The following MRPL37 variants were observed in gnomAD, a reference collection of about 807,000 sequenced individuals.
MRPL37 encodes large ribosomal subunit protein mL37.
Under a neutral mutation model 44.1 loss-of-function variants are expected in MRPL37, and 34 were observed. The ratio of observed to expected loss-of-function variants is 0.77; its 90% confidence interval spans 0.59 to 1.03. MRPL37 has a LOEUF of 1.03. MRPL37 is among the 50% of genes least tolerant of loss of function. MRPL37 has a pLI of 0.00. For missense variants in MRPL37, 532 were observed against 543.7 expected, an observed-to-expected ratio of 0.98 and a Z score of 0.21; for synonymous variants, 212 against 219.5, an observed-to-expected ratio of 0.97 and a Z score of 0.30.
chr1:54,220,933 T>C (rs1644229804), downstream of MRPL37: 1 of 391,078 alleles, frequency 2.6e-6, no homozygotes, highest in South Asian at 2.0e-5. Flanking sequence ...ATTCAAAAGT[T>C]CTTCAGTTCA....
rs201642267 is a variant in MRPL37, at chr1:54,212,488, G to A, written c.833-13G>A. 3 of 1,613,132 alleles carry A rather than the reference G, an allele frequency of 1.9e-6. No individual in the cohort carries two copies. The highest frequency in any genetic ancestry group is 1.3e-5 in the African/African-American group (1 of 74,892). ...ATCCTTTCCACCCCTCCACATAATTGTGTCTCTTGCAGGATTCCAGGAAGG... is the reference window on the plus strand; with the variant it reads ...ATCCTTTCCACCCCTCCACATAATTATGTCTCTTGCAGGATTCCAGGAAGG... On this transcript the variant is annotated splice_polypyrimidine_tract_variant and intron_variant, in intron 4 of 6. Transcript: ENST00000360840.
At chr1:54,202,270 G>T (rs1474085390) in intron 1 of MRPL37, among the ~76,000 whole-genome samples, 1 of 152,104 alleles carries the variant, frequency 6.6e-6, no homozygotes, top group Non-Finnish European at 1.5e-5. Context: ...CCAAAGTGCT[G>T]GGATTATAGG....
Position 54,218,355 on chromosome 1 carries a change from A to G in MRPL37, c.*106A>G. 6.3e-7 allele frequency: 1 copy of G among 1,587,760 alleles called. No individual in the cohort carries two copies. The highest frequency in any genetic ancestry group is 2.2e-5 in the East Asian group (1 of 44,716). ...CCCGTTTGGCCTGCTGCTCTCGCTG[A>G]CAATAAAGAGCCCTTGCGTTGCACT... On this transcript the variant is annotated 3_prime_UTR_variant, in exon 7 of 7. Transcript: ENST00000360840.
chr1:54,217,628 A>G (rs1002896818), intron 6 of MRPL37, among the ~76,000 whole-genome samples: 1 of 151,946 alleles, frequency 6.6e-6, no homozygotes. Context: ...TTTCTGCCCC[A>G]TTCTGCTCAC....
Position 54,214,808 on chromosome 1 carries a change from G to A in MRPL37, c.991-1333G>A, listed in dbSNP as rs1017520144. ...AAGGTAAAATTGCTGAGAAATTTAT[G>A]TACTACCTGCAGTTTTATTGATCTG... is the stretch of plus-strand genomic sequence containing the variant. On this transcript the variant is annotated intron_variant, in intron 5 of 6. Transcript: ENST00000360840. 5.3e-5 allele frequency among the ~76,000 whole-genome samples: 8 copies of A among 152,342 alleles called. No individual in the cohort carries two copies. The South Asian group carries it at 1.4e-3, about 28-fold the overall frequency.
chr1:54,202,497 GTCTC>G (rs772169233), intron 1 of MRPL37, among the ~76,000 whole-genome samples: 47 of 151,152 alleles, frequency 3.1e-4, no homozygotes, highest in Non-Finnish European at 6.1e-4. Context: ...CTTTCTCTCT[GTCTC>G]TCTCTCTCTC....
chr1:54,221,645 T>C (rs117376485), downstream of MRPL37, among the ~76,000 whole-genome samples: 80 of 152,172 alleles, frequency 5.3e-4, no homozygotes, highest in East Asian at 0.01. Context: ...TACAGGCACA[T>C]CACACTCCCA....
intron 4 of MRPL37, among the ~76,000 whole-genome samples, chr1:54,211,283 G>C (rs1305420964): frequency 6.6e-6 from 1 of 152,020 alleles, no homozygotes; most frequent in South Asian, 2.1e-4. Flanking sequence ...CAGTTTTCCT[G>C]TCTGTCTCCC....
chr1:54,212,416 G>T lies in MRPL37; in HGVS notation c.833-85G>T. On this transcript the variant is annotated intron_variant, in intron 4 of 6. Transcript: ENST00000360840. ...GAGTCTCTCTGTAGCACCTGTCCCTGGGCTAAGGCGAGGTGACTTTCCTGA... is the reference window on the plus strand; with the variant it reads ...GAGTCTCTCTGTAGCACCTGTCCCTTGGCTAAGGCGAGGTGACTTTCCTGA... 20 of 1,500,866 alleles carry T rather than the reference G, an allele frequency of 1.3e-5. No individual in the cohort carries two copies. The South Asian group carries it at 2.5e-4, about 19-fold the overall frequency. 93.0% of individuals were successfully genotyped at this position (1,500,866 alleles called of 1,614,324 possible). A position where few individuals can be genotyped will look rare whatever the true frequency, so the allele number is the denominator to read the frequency against.
chr1:54,218,496 CT>C, downstream of MRPL37: 1 of 885,092 alleles, frequency 1.1e-6, no homozygotes, highest in Non-Finnish European at 1.6e-6. Context: ...ATGTTGTGAT[CT>C]TAGATAAGGA....
Position 54,216,574 on chromosome 1 carries a change from C to T in MRPL37, c.1194+230C>T, listed in dbSNP as rs532242570. Among the ~76,000 whole-genome samples the T allele has an allele frequency of 1.3e-4, 20 of 152,344 alleles. 1 individual carries two copies. The highest frequency in any genetic ancestry group is 6.8e-3 in the Middle Eastern group (2 of 294). On this transcript the variant is annotated intron_variant, in intron 6 of 6. Coordinates refer to ENST00000360840, the MANE Select transcript of MRPL37 (RefSeq NM_016491.4). Reference sequence around the variant, plus strand: ...TTTGCACCCTCCAGCCAATCCAGCTCCTCGCAGCTCCCAGGGTGCTCTGCG... The same window carrying T: ...TTTGCACCCTCCAGCCAATCCAGCTTCTCGCAGCTCCCAGGGTGCTCTGCG...
chr1:54,202,909 A>G (rs974562005), intron 1 of MRPL37, among the ~76,000 whole-genome samples: 2 of 152,228 alleles, frequency 1.3e-5, no homozygotes, highest in African/African-American at 4.8e-5. Flanking sequence ...GGGCATGATC[A>G]TTGAGAAGAA....
chr1:54,221,035 C>T (rs1570157331), downstream of MRPL37: 2 of 355,408 alleles, frequency 5.6e-6, no homozygotes, highest in East Asian at 1.5e-4. Context: ...CTGTCAGATC[C>T]TCCACTTCCT....
At chr1:54,220,767 G>A (rs1272655463), downstream of MRPL37, 1 of 471,458 alleles carries the variant, frequency 2.1e-6, no homozygotes, top group Non-Finnish European at 4.4e-6. Flanking sequence ...GAAGGAGCAG[G>A]AGCACGCTGC....
At chr1:54,201,100 C>CTA (rs1039909100) in intron 1 of MRPL37, among the ~76,000 whole-genome samples, 2 of 152,346 alleles carry the variant, frequency 1.3e-5, no homozygotes, top group Admixed American at 1.3e-4. Flanking sequence ...TTTGCCAAAA[C>CTA]CAGCCTGTCT....
intron 6 of MRPL37, among the ~76,000 whole-genome samples, chr1:54,217,125 G>A (rs931886301): frequency 3.3e-5 from 5 of 152,162 alleles, no homozygotes; most frequent in African/African-American, 9.7e-5. Flanking sequence ...AAGCGGAGTA[G>A]GGGTACTGCC....
At position 54,205,408 on chromosome 1, in the gene MRPL37, G is replaced by T; in HGVS notation, c.644G>T (p.Arg215Leu). Reference sequence around the variant, plus strand: ...TCCACGTTTTCTGCTACCTGGAACCGAGGTTGGTCATCTTGTACACCAGAA... The same window carrying T: ...TCCACGTTTTCTGCTACCTGGAACCTAGGTTGGTCATCTTGTACACCAGAA... ...QNSTFSATWN[R>L]ESLLLQVRGS... Residue 215 changes from arginine (R) to leucine (L), a missense_variant and splice_region_variant, in exon 3 of 7, where the codon CGA becomes CTA. Physicochemically the swap from Arg to Leu is moderately radical, Grantham distance 102. Coordinates refer to ENST00000360840, the MANE Select transcript of MRPL37 (RefSeq NM_016491.4). The T allele has an allele frequency of 6.2e-7, 1 of 1,612,562 alleles. No individual in the cohort carries two copies. The highest frequency in any genetic ancestry group is 1.1e-5 in the South Asian group (1 of 90,950).
intron 3 of MRPL37, among the ~76,000 whole-genome samples, chr1:54,206,741 C>CTT (rs1173804383): frequency 1.4e-5 from 2 of 142,232 alleles, no homozygotes; most frequent in African/African-American, 2.6e-5. Context: ...CTTTTCTTTT[C>CTT]TTTTTTTTTT....
chr1:54,222,216 G>C (rs1478326300), downstream of MRPL37, among the ~76,000 whole-genome samples: 1 of 152,188 alleles, frequency 6.6e-6, no homozygotes, highest in East Asian at 1.9e-4. Context: ...GCCTGATGGG[G>C]GAAGCATACA....
Sources: gnomAD v4.1 joint callset for allele counts (sites outside exome capture counted in the v4.1 genomes callset) on GRCh38, gnomAD v4.1.1 for gene constraint, MANE v1.5 for transcripts, NCBI Gene and HGNC (gene_info 2026-07-23, HGNC 2026-07-21) for gene names.